The following MYOF variants were observed in gnomAD, a reference collection of about 807,000 sequenced individuals.
MYOF encodes the protein fer-1-like 3, myoferlin.
Under a neutral mutation model 284.2 loss-of-function variants are expected in MYOF, and 244 were observed. That is an observed-to-expected ratio of 0.86 (90% confidence interval 0.77 to 0.95). MYOF has a LOEUF of 0.95. Among genes scored for constraint, MYOF ranks in the 40% least tolerant of loss-of-function variants. The pLI is 0.00. For synonymous variants in MYOF, 904 were observed against 919.7 expected (o/e 0.98, Z 0.31); for missense variants, 2,496 against 2,560.6 (o/e 0.97, Z 0.54).
At chr10:93,310,285 T>C (rs1589367235) in intron 52 of MYOF, 118 bp from the exon 53 acceptor site, 2 of 1,291,462 alleles carry the variant, frequency 1.5e-6, no homozygotes, top group East Asian at 2.3e-5. Flanking sequence ...GAAAAAATAC[T>C]GTTCCCCTTC....
intron 7 of MYOF, among the ~76,000 whole-genome samples, chr10:93,406,225 C>T (rs1325056538): frequency 7.0e-6 from 1 of 142,402 alleles, no homozygotes; most frequent in African/African-American, 2.5e-5. Flanking sequence ...TCCCAAAGTG[C>T]CAGTATTACA....
At chr10:93,360,015 T>C (rs777040374) in intron 28 of MYOF, 37 bp from the exon 29 acceptor site, 1 of 1,612,690 alleles carries the variant, frequency 6.2e-7, no homozygotes, top group Non-Finnish European at 8.5e-7. Flanking sequence ...CCAGAAGAGA[T>C]GCATTTGCCA....
At chr10:93,375,526 C>T (rs571858214) in intron 22 of MYOF, among the ~76,000 whole-genome samples, 1 of 152,220 alleles carries the variant, frequency 6.6e-6, no homozygotes, top group Non-Finnish European at 1.5e-5. Context: ...GGGTACTAAT[C>T]GTGGCTCCAT....
At chr10:93,480,843 A>C (rs910629403) in intron 1 of MYOF, among the ~76,000 whole-genome samples, 2 of 152,164 alleles carry the variant, frequency 1.3e-5, no homozygotes, top group Non-Finnish European at 2.9e-5. Context: ...TAAGAAGAGA[A>C]ATAAAGGGGA....
chr10:93,480,043 TTAAA>T (rs2057353698), intron 1 of MYOF, among the ~76,000 whole-genome samples: 1 of 152,242 alleles, frequency 6.6e-6, no homozygotes, highest in South Asian at 2.1e-4. Flanking sequence ...TCTATAATAC[TTAAA>T]TAATTACATG....
chr10:93,313,816 G>A (rs1181941792), intron 50 of MYOF, among the ~76,000 whole-genome samples: 5 of 152,168 alleles, frequency 3.3e-5, no homozygotes, highest in South Asian at 2.1e-4. Context: ...CACAAGAATC[G>A]CGTGAGCCCA....
At chr10:93,407,497 G>A (rs1353419791) in intron 7 of MYOF, among the ~76,000 whole-genome samples, 20 of 148,746 alleles carry the variant, frequency 1.3e-4, no homozygotes, top group African/African-American at 4.0e-4. Context: ...ATGGGAGGCC[G>A]AGGTGGGTGG....
At position 93,329,531 on chromosome 10, in the gene MYOF, C is replaced by A. The variant is rs902385117; in HGVS notation, c.4982+133G>T. The A allele has an allele frequency of 3.0e-5, 26 of 859,256 alleles. No homozygotes were observed. The African/African-American group carries it at 5.4e-4, about 18-fold the overall frequency. 53.2% of individuals were successfully genotyped at this position (859,256 alleles called of 1,614,324 possible). A position where few individuals can be genotyped will look rare whatever the true frequency, so the allele number is the denominator to read the frequency against. On this transcript the variant is annotated intron_variant, in intron 44 of 53. Coordinates refer to ENST00000359263, the MANE Select transcript of MYOF (RefSeq NM_013451.4). ...CCGGAGATTCCCTAGAATAATCCTG[C>A]GATTGAAATCCATACCTGAGTGATA...
At chr10:93,446,271 G>C (rs1012625244) in intron 3 of MYOF, among the ~76,000 whole-genome samples, 1 of 152,034 alleles carries the variant, frequency 6.6e-6, no homozygotes, top group Non-Finnish European at 1.5e-5. Context: ...CTAATTTTTA[G>C]TGAAAACACC....
chr10:93,436,522 C>T (rs1380903767), intron 3 of MYOF, among the ~76,000 whole-genome samples: 4 of 152,176 alleles, frequency 2.6e-5, no homozygotes, highest in East Asian at 1.9e-4. Context: ...GTTTAGATGA[C>T]GGCCTGCAAA....
At position 93,452,077 on chromosome 10, in the gene MYOF, T is replaced by G. The variant is rs1322466238; in HGVS notation, c.209A>C (p.Lys70Thr). 1.9e-6 allele frequency: 3 copies of G among 1,612,826 alleles called. No homozygotes were observed. The highest frequency in any genetic ancestry group is 2.5e-6 in the Non-Finnish European group (3 of 1,179,650). Reference protein sequence around the residue: ...DFSSSLGIIVKDFETIGQNKL... With the variant: ...DFSSSLGIIVTDFETIGQNKL... The stretch of plus-strand genomic sequence containing the variant: ...ATTTTGTCCAATTGTCTCAAAATCT[T>G]TCACAATAATCCCAAGGGAAGATGA... Residue 70 changes from lysine (K) to threonine (T), a missense_variant, in exon 3 of 54, where the codon AAA becomes ACA. Physicochemically the swap from Lys to Thr is moderately conservative, Grantham distance 78. Coordinates refer to ENST00000359263, the MANE Select transcript of MYOF (RefSeq NM_013451.4).
chr10:93,310,824 C>G lies in MYOF; in HGVS notation c.5890-181G>C, dbSNP rs535261440. ...TCTTCCATGTGTTTCTGAACTGACTCTGTGTGGGAAACTTTGAGGACAAAT... is the reference window on the plus strand; with the variant it reads ...TCTTCCATGTGTTTCTGAACTGACTGTGTGTGGGAAACTTTGAGGACAAAT... On this transcript the variant is annotated intron_variant, in intron 51 of 53. Coordinates refer to ENST00000359263, the MANE Select transcript of MYOF (RefSeq NM_013451.4). Among the ~76,000 whole-genome samples the G allele has an allele frequency of 2.0e-5, 3 of 152,302 alleles. No individual in the cohort carries two copies. In the South Asian group the frequency reaches 6.2e-4, roughly 32 times the overall value.
At chr10:93,383,863 A>C (rs1846235379) in intron 19 of MYOF, among the ~76,000 whole-genome samples, 1 of 152,094 alleles carries the variant, frequency 6.6e-6, no homozygotes, top group African/African-American at 2.4e-5. Context: ...TGGGGTGGGA[A>C]CTACGGGGAT....
At chr10:93,440,073 AT>A (rs746660128) in intron 3 of MYOF, among the ~76,000 whole-genome samples, 2 of 152,164 alleles carry the variant, frequency 1.3e-5, no homozygotes, top group Non-Finnish European at 2.9e-5. Context: ...ATAAAATCCA[AT>A]TTAGTGGAAT....
At chr10:93,451,464 G>A (rs776231437) in intron 3 of MYOF, among the ~76,000 whole-genome samples, 2 of 152,068 alleles carry the variant, frequency 1.3e-5, no homozygotes, top group African/African-American at 2.4e-5. Flanking sequence ...TCTGTCCCAC[G>A]GGAACCTGTT....
At chr10:93,381,895 G>A (rs1846135716) in intron 19 of MYOF, among the ~76,000 whole-genome samples, 6 of 152,050 alleles carry the variant, frequency 3.9e-5, no homozygotes, top group Admixed American at 3.9e-4. Context: ...AAATTAGCTG[G>A]GCGTGGTGGT....
chr10:93,387,537 G>A (rs2134025602), intron 19 of MYOF, among the ~76,000 whole-genome samples: 1 of 152,316 alleles, frequency 6.6e-6, no homozygotes, highest in African/African-American at 2.4e-5. Flanking sequence ...GCAAGAAGTG[G>A]CTGTTATGGC....
chr10:93,466,912 AGGCTGCAGTG>A (rs1464506288), intron 1 of MYOF, among the ~76,000 whole-genome samples: 1 of 152,186 alleles, frequency 6.6e-6, no homozygotes, highest in Non-Finnish European at 1.5e-5. Context: ...CTAGAGATCA[AGGCTGCAGTG>A]GGCCGTGATC....
chr10:93,401,523 T>C lies in MYOF; in HGVS notation c.1012A>G (p.Asn338Asp). Residue 338 changes from asparagine to aspartate, a missense_variant, in exon 12 of 54, where the codon AAT becomes GAT. Physicochemically the swap from Asn to Asp is conservative, Grantham distance 23. Coordinates refer to ENST00000359263, the MANE Select transcript of MYOF (RefSeq NM_013451.4). ...EPPPERRDRDNDSDDVESNLL... is the reference protein window; with the variant it reads ...EPPPERRDRDDDSDDVESNLL... ...TTACTCTCCACATCATCACTGTCAT[T>C]ATCACGATCTCGTCTCTCAGGCTAT... 1.9e-6 allele frequency: 3 copies of C among 1,614,118 alleles called. No homozygotes were observed. Among genetic ancestry groups the C allele is most frequent in the Non-Finnish European group, 2.5e-6 (3 of 1,180,010 alleles).
Sources: allele counts gnomAD v4.1 joint callset (sites outside exome capture counted in the v4.1 genomes callset), GRCh38; gene constraint gnomAD v4.1.1; transcripts MANE v1.5; gene names NCBI Gene and HGNC (gene_info 2026-07-23, HGNC 2026-07-21).